The following MTRF1 variants were observed in gnomAD, a reference collection of about 807,000 sequenced individuals.
MTRF1 encodes peptide chain release factor 1, mitochondrial.
MTRF1 carries 51 observed loss-of-function variants against 62.9 expected under a neutral mutation model. The ratio of observed to expected loss-of-function variants is 0.81; its 90% CI spans 0.65 to 1.02. The LOEUF is 1.02. MTRF1 is among the 50% of genes least tolerant of loss of function. The pLI is 0.00. For synonymous variants in MTRF1, 158 were observed against 181.9 expected, an observed-to-expected ratio of 0.87 and a Z score of 1.06; for missense variants, 446 against 530.0, an observed-to-expected ratio of 0.84 and a Z score of 1.56.
At chr13:41,304,441 G>A in the MTRF1 span, among the ~76,000 whole-genome samples, 3 of 152,178 alleles carry the variant, frequency 2.0e-5, no homozygotes, top group Admixed American at 6.5e-5. Context: ...CTTCCGCTGA[G>A]AGCAGATATT....
chr13:41,287,960 A>G, the MTRF1 span: 1 of 408,570 alleles, frequency 2.4e-6, no homozygotes, highest in Non-Finnish European at 4.8e-6. Context: ...CTTTAACAAC[A>G]TTAAGATCAA....
the MTRF1 span, among the ~76,000 whole-genome samples, chr13:41,273,820 A>T: frequency 1.3e-5 from 2 of 152,176 alleles, no homozygotes; most frequent in Non-Finnish European, 2.9e-5. Flanking sequence ...CTGGGCAATA[A>T]GAGTGAAACT....
chr13:41,274,621 T>A, the MTRF1 span, among the ~76,000 whole-genome samples: 1 of 151,828 alleles, frequency 6.6e-6, no homozygotes, highest in East Asian at 1.9e-4. Context: ...GAATGTTTAC[T>A]CCACGATAAC....
the MTRF1 span, chr13:41,287,945 C>T: frequency 2.0e-4 from 83 of 416,212 alleles, no homozygotes; most frequent in Non-Finnish European, 3.3e-4. Context: ...GTTTCTCAAT[C>T]GTGTCTTTAA....
At chr13:41,297,666 T>G in the MTRF1 span, among the ~76,000 whole-genome samples, 1 of 151,698 alleles carries the variant, frequency 6.6e-6, no homozygotes, top group African/African-American at 2.4e-5. Flanking sequence ...ACCTCTGCCT[T>G]CCGGGTTCAA....
chr13:41,252,905 A>G (rs191523360), intron 4 of MTRF1, 44 bp downstream of exon 4: 2 of 1,473,006 alleles, frequency 1.4e-6, no homozygotes, highest in African/African-American at 1.4e-5. Context: ...GGTAAAATTC[A>G]AGGACTTTTT....
intron 5 of MTRF1, among the ~76,000 whole-genome samples, chr13:41,251,926 C>T (rs1239800493): frequency 6.6e-6 from 1 of 151,916 alleles, no homozygotes; most frequent in African/African-American, 2.4e-5. Flanking sequence ...GTTGCCCAGG[C>T]TGGAGTGTAC....
chr13:41,261,911 A>T (rs2040489731), intron 1 of MTRF1: 1 of 326,796 alleles, frequency 3.1e-6, no homozygotes, highest in Non-Finnish European at 4.4e-6. Flanking sequence ...GGTGACAATT[A>T]TATTAAGCAA....
At chr13:41,233,226 A>G (rs1341280183) in intron 7 of MTRF1, among the ~76,000 whole-genome samples, 1 of 152,150 alleles carries the variant, frequency 6.6e-6, no homozygotes, top group Admixed American at 6.5e-5. Flanking sequence ...TTTTGCAGCT[A>G]GAGAAGTGAG....
intron 5 of MTRF1, among the ~76,000 whole-genome samples, chr13:41,242,987 G>A (rs956580274): frequency 2.0e-5 from 3 of 152,084 alleles, no homozygotes; most frequent in African/African-American, 4.8e-5. Flanking sequence ...TTGGGAGGCC[G>A]AGGCGGGCAG....
chr13:41,286,015 G>A, the MTRF1 span, among the ~76,000 whole-genome samples: 1 of 144,800 alleles, frequency 6.9e-6, no homozygotes, highest in Non-Finnish European at 1.5e-5. Context: ...AGTGAGCCGA[G>A]ATCGAGCCAC....
At chr13:41,274,517 A>G in the MTRF1 span, among the ~76,000 whole-genome samples, 1 of 152,136 alleles carries the variant, frequency 6.6e-6, no homozygotes, top group Admixed American at 6.6e-5. Context: ...GAAAATGCCC[A>G]GACATATAAG....
chr13:41,258,310 T>A (rs1251244904), intron 2 of MTRF1, among the ~76,000 whole-genome samples: 1 of 151,586 alleles, frequency 6.6e-6, no homozygotes, highest in African/African-American at 2.4e-5. Context: ...CAGAAGAAAA[T>A]CTAGAAACTA....
chr13:41,274,577 G>GC, the MTRF1 span, among the ~76,000 whole-genome samples: 361 of 151,994 alleles, frequency 2.4e-3, 1 homozygote, highest in African/African-American at 8.0e-3. Context: ...TTTCCTGTTT[G>GC]CCCTAGAATA....
At chr13:41,242,050 T>C (rs2037573871) in intron 5 of MTRF1, among the ~76,000 whole-genome samples, 1 of 152,214 alleles carries the variant, frequency 6.6e-6, no homozygotes, top group African/African-American at 2.4e-5. Flanking sequence ...TTTGATTACA[T>C]GGTGATACAA....
the MTRF1 span, chr13:41,311,068 T>C: frequency 4.7e-6 from 1 of 214,946 alleles, no homozygotes; most frequent in Non-Finnish European, 9.3e-6. Flanking sequence ...CACCACCCCA[T>C]GGGACTCCAA....
intron 5 of MTRF1, among the ~76,000 whole-genome samples, chr13:41,246,464 T>C (rs928743648): frequency 6.6e-6 from 1 of 152,166 alleles, no homozygotes; most frequent in African/African-American, 2.4e-5. Flanking sequence ...AAATTGAGTA[T>C]AGTTTTAGAT....
At chr13:41,237,275 G>C (rs2036795954) in intron 6 of MTRF1, among the ~76,000 whole-genome samples, 1 of 149,884 alleles carries the variant, frequency 6.7e-6, no homozygotes, top group African/African-American at 2.4e-5. Flanking sequence ...GTGGGAATGG[G>C]GTAGAAGAAA....
At chr13:41,267,863 GAA>G (rs61467590), upstream of MTRF1, among the ~76,000 whole-genome samples, 2,448 of 149,658 alleles carry the variant, frequency 0.016, 82 homozygotes, top group African/African-American at 0.056. Flanking sequence ...AGAAACTGTT[GAA>G]AAAAAAAAAT....
Sources: allele counts gnomAD v4.1 joint callset (sites outside exome capture counted in the v4.1 genomes callset), GRCh38; gene constraint gnomAD v4.1.1; transcripts MANE v1.5; gene names NCBI Gene and HGNC (gene_info 2026-07-23, HGNC 2026-07-21).